PPP1R3A: variants seen among roughly 807,000 people sequenced by gnomAD.
PPP1R3A encodes RG1.
PPP1R3A carries 29 observed loss-of-function variants against 41.7 expected under a neutral mutation model. That is an observed-to-expected ratio of 0.70 (90% CI 0.52 to 0.95). The LOEUF is 0.95. Ranked by LOEUF, PPP1R3A falls within the 40% of genes least tolerant of loss-of-function variation. PPP1R3A has a pLI of 0.00. For missense variants in PPP1R3A, 1,352 were observed against 1,292.4 expected (o/e 1.05, Z -0.71); for synonymous variants, 485 against 453.4 (o/e 1.07, Z -0.89).
At chr7:113,892,899 T>C (rs1220406973) in intron 1 of PPP1R3A, among the ~76,000 whole-genome samples, 4 of 152,074 alleles carry the variant, frequency 2.6e-5, no homozygotes, top group Non-Finnish European at 5.9e-5. Context: ...CATCGTTTTG[T>C]TTTGGTTTTG....
intron 1 of PPP1R3A, among the ~76,000 whole-genome samples, chr7:113,907,367 A>T (rs1797164554): frequency 6.6e-6 from 1 of 151,754 alleles, no homozygotes; most frequent in Admixed American, 6.6e-5. Context: ...TTACCTGATG[A>T]GGCAGCATTA....
At chr7:113,912,805 T>C (rs1040477440) in intron 1 of PPP1R3A, among the ~76,000 whole-genome samples, 14 of 152,032 alleles carry the variant, frequency 9.2e-5, no homozygotes, top group Admixed American at 3.3e-4. Flanking sequence ...TGGGGAGGGA[T>C]AGGCTCTCAG....
In PPP1R3A at chr7:113,879,023, T is replaced by C. The variant is rs532085358; in HGVS notation, c.2069A>G (p.Asp690Gly). 3 of 1,613,586 alleles carry C rather than the reference T, an allele frequency of 1.9e-6. No homozygotes were observed. The highest frequency in any genetic ancestry group is 2.5e-6 in the Non-Finnish European group (3 of 1,179,766). Reference sequence around the variant, plus strand: ...AGTAGCTTTCAAACTCCTCGTATTATCTCTTTTTCCCCACACGTCTTCACA... The same window carrying C: ...AGTAGCTTTCAAACTCCTCGTATTACCTCTTTTTCCCCACACGTCTTCACA... Reference protein sequence around the residue: ...TDCEDVWGKRDNTRSLKATTE... With the variant: ...TDCEDVWGKRGNTRSLKATTE... The change falls in exon 4 of 4, where the codon GAT (aspartate) becomes GGT (glycine). Residue 690 changes from aspartate to glycine, a missense_variant. Coordinates refer to ENST00000284601, the MANE Select transcript of PPP1R3A (RefSeq NM_002711.4).
At position 113,877,556 on chromosome 7, in the gene PPP1R3A, TA is replaced by T; in HGVS notation, c.*166del. ...ATGATCCAAACATAATGGTCCTATA[TA>T]GAATAATTACTTATATGAAGGAGCA... On this transcript the variant is annotated 3_prime_UTR_variant, in exon 4 of 4. Coordinates refer to ENST00000284601, the MANE Select transcript of PPP1R3A (RefSeq NM_002711.4). 2 of 698,642 alleles carry T rather than the reference TA, an allele frequency of 2.9e-6. No individual in the cohort carries two copies. Among genetic ancestry groups the T allele is most frequent in the Non-Finnish European group, 4.6e-6 (2 of 432,266 alleles). 43.3% of individuals were successfully genotyped at this position (698,642 alleles called of 1,614,324 possible). A position where few individuals can be genotyped will look rare whatever the true frequency, so the allele number is the denominator to read the frequency against.
chr7:113,879,839 G>A lies in PPP1R3A; in HGVS notation c.1253C>T (p.Ser418Leu), dbSNP rs1340502997. The change falls in exon 4 of 4, where the codon TCA becomes TTA. Residue 418 changes from serine to leucine, a missense_variant. Ser to Leu is a moderately radical substitution (Grantham distance 145). Transcript: ENST00000284601. ...TTSNMGEIKP[S>L]LGDTSSDELV... ...TTCATCACTACTAGTATCTCCCAAT[G>A]ATGGCTTGATTTCTCCCATATTTGA... 1.2e-6 allele frequency: 2 copies of A among 1,613,456 alleles called. No homozygotes were observed. The highest frequency in any genetic ancestry group is 1.7e-6 in the Non-Finnish European group (2 of 1,179,654).
At chr7:113,899,709 C>T (rs996841140) in intron 1 of PPP1R3A, among the ~76,000 whole-genome samples, 1 of 151,730 alleles carries the variant, frequency 6.6e-6, no homozygotes, top group Non-Finnish European at 1.5e-5. Flanking sequence ...AAATACCAAG[C>T]CTGCAACCAC....
At chr7:113,894,323 G>A (rs749707403) in intron 1 of PPP1R3A, among the ~76,000 whole-genome samples, 1 of 151,942 alleles carries the variant, frequency 6.6e-6, no homozygotes, top group Non-Finnish European at 1.5e-5. Flanking sequence ...ATTCAATCGA[G>A]AGAAAAATAC....
chr7:113,908,582 T>G (rs961099879), intron 1 of PPP1R3A, among the ~76,000 whole-genome samples: 15 of 151,958 alleles, frequency 9.9e-5, no homozygotes, highest in African/African-American at 3.4e-4. Context: ...GATACAATAT[T>G]AACCTTTTTA....
At chr7:113,889,522 A>G (rs1286501430) in intron 1 of PPP1R3A, among the ~76,000 whole-genome samples, 1 of 152,120 alleles carries the variant, frequency 6.6e-6, no homozygotes, top group Non-Finnish European at 1.5e-5. Context: ...GTTGAATGGA[A>G]AATGCCCAGA....
intron 3 of PPP1R3A, among the ~76,000 whole-genome samples, chr7:113,881,019 C>T (rs947039724): frequency 3.9e-5 from 6 of 152,096 alleles, no homozygotes; most frequent in East Asian, 1.9e-4. Flanking sequence ...GCCTGCTCAT[C>T]GTAATGAGAT....
chr7:113,884,342 C>A (rs1204209565), intron 1 of PPP1R3A, among the ~76,000 whole-genome samples: 1 of 151,804 alleles, frequency 6.6e-6, no homozygotes, highest in Non-Finnish European at 1.5e-5. Flanking sequence ...GGAGGAGGAA[C>A]TTTTTTTATC....
At chr7:113,905,120 A>T (rs1797124117) in intron 1 of PPP1R3A, among the ~76,000 whole-genome samples, 1 of 151,722 alleles carries the variant, frequency 6.6e-6, no homozygotes, top group Non-Finnish European at 1.5e-5. Context: ...AATGAAAACT[A>T]TGAGGATTAA....
intron 1 of PPP1R3A, among the ~76,000 whole-genome samples, chr7:113,915,564 T>C (rs1797325781): frequency 6.8e-6 from 1 of 147,976 alleles, no homozygotes; most frequent in Admixed American, 6.9e-5. Flanking sequence ...CATATATACA[T>C]ATACATATAT....
chr7:113,918,740 G>A lies in PPP1R3A; in HGVS notation c.257C>T (p.Pro86Leu), dbSNP rs1179318748. ...SVKEFDCWEL[P>L]SASTTFDLGT... ...TAAGTCAAAAGTGGTTGAAGCACTC[G>A]GTAATTCCCAGCAATCAAATTCTTT... The change falls in exon 1 of 4, where the codon CCG becomes CTG. Residue 86 changes from proline (P) to leucine (L), a missense_variant. Transcript: ENST00000284601. The A allele has an allele frequency of 1.1e-5, 17 of 1,613,668 alleles. No homozygotes were observed. Among genetic ancestry groups the A allele is most frequent in the East Asian group, 2.2e-5 (1 of 44,860 alleles).
intron 1 of PPP1R3A, among the ~76,000 whole-genome samples, chr7:113,891,121 A>T (rs904624539): frequency 1.4e-5 from 2 of 142,018 alleles, no homozygotes; most frequent in Non-Finnish European, 3.0e-5. Flanking sequence ...AAAACCCTGC[A>T]TGCAAATCTC....
chr7:113,914,036 G>A (rs1476038941), intron 1 of PPP1R3A, among the ~76,000 whole-genome samples: 6 of 152,068 alleles, frequency 3.9e-5, no homozygotes, highest in Admixed American at 3.9e-4. Context: ...ATAAGTTTTG[G>A]AGCCTGAAAC....
At chr7:113,905,076 C>T (rs770385016) in intron 1 of PPP1R3A, among the ~76,000 whole-genome samples, 2 of 151,420 alleles carry the variant, frequency 1.3e-5, no homozygotes, top group Non-Finnish European at 3.0e-5. Flanking sequence ...ATGAAGTTCG[C>T]ATGAGTATTA....
intron 3 of PPP1R3A, among the ~76,000 whole-genome samples, 183 bp from the exon 4 acceptor site, chr7:113,880,308 A>C (rs564652258): frequency 6.6e-6 from 1 of 152,110 alleles, no homozygotes; most frequent in African/African-American, 2.4e-5. Context: ...GCAGGCTATG[A>C]CTGGGGAACG....
At chr7:113,902,460 A>G (rs1797082071) in intron 1 of PPP1R3A, among the ~76,000 whole-genome samples, 1 of 151,902 alleles carries the variant, frequency 6.6e-6, no homozygotes, top group Admixed American at 6.6e-5. Flanking sequence ...ATAAAGATTT[A>G]CAATGCACTT....
Sources: gnomAD v4.1 joint callset for allele counts (sites outside exome capture counted in the v4.1 genomes callset) on GRCh38, gnomAD v4.1.1 for gene constraint, MANE v1.5 for transcripts, NCBI Gene and HGNC (gene_info 2026-07-23, HGNC 2026-07-21) for gene names.